NSD3: variants seen among roughly 807,000 people sequenced by gnomAD.
NSD3 encodes the protein nuclear receptor binding SET domain protein 3.
NSD3 carries 24 observed loss-of-function variants against 160.8 expected under a neutral mutation model. That is an observed-to-expected ratio of 0.15 (90% CI 0.11 to 0.21). The LOEUF is 0.21. Among genes scored for constraint, NSD3 ranks in the 10% least tolerant of loss-of-function variants. NSD3 has a pLI of 1.00. For missense variants in NSD3, 1,157 were observed against 1,735.9 expected (o/e 0.67, Z 5.93); for synonymous variants, 520 against 600.0 (o/e 0.87, Z 1.95).
At chr8:38,313,579 G>A (rs1437841947) in intron 12 of NSD3, among the ~76,000 whole-genome samples, 2 of 152,060 alleles carry the variant, frequency 1.3e-5, no homozygotes, top group African/African-American at 2.4e-5. Flanking sequence ...ACGAGGTCAG[G>A]AAATCGAGAC....
chr8:38,325,662 AG>A (rs1408887340), intron 7 of NSD3, among the ~76,000 whole-genome samples: 2 of 148,530 alleles, frequency 1.3e-5, no homozygotes, highest in African/African-American at 5.0e-5. Flanking sequence ...GCTTGAATCC[AG>A]GGGTTCGAGA....
intron 14 of NSD3, among the ~76,000 whole-genome samples, chr8:38,299,996 A>G (rs545334749): frequency 6.6e-6 from 1 of 152,038 alleles, no homozygotes; most frequent in Non-Finnish European, 1.5e-5. Context: ...TTACATAAGT[A>G]GACCCTGATC....
chr8:38,350,688 C>T (rs1312592857), intron 1 of NSD3, among the ~76,000 whole-genome samples: 1 of 152,086 alleles, frequency 6.6e-6, no homozygotes, highest in Admixed American at 6.6e-5. Context: ...GGGGTGGGGT[C>T]CTGGGCATAA....
At chr8:38,333,713 A>G (rs558990964) in intron 4 of NSD3, among the ~76,000 whole-genome samples, 24 of 150,858 alleles carry the variant, frequency 1.6e-4, no homozygotes, top group African/African-American at 5.8e-4. Context: ...TAAAAATACA[A>G]AAAATTAGCC....
chr8:38,317,595 G>T lies in NSD3; in HGVS notation c.1855+1300C>A. On this transcript the variant is annotated intron_variant, in intron 9 of 23. Coordinates refer to ENST00000317025, the MANE Select transcript of NSD3 (RefSeq NM_023034.2). The surrounding 1 kb of genome is among the most constrained non-coding windows in gnomAD (Gnocchi z 5.3). Reference sequence around the variant, plus strand: ...AATAAGAACTTTTAATGATTGTAATGTATACAGTTTGGGCTGTTTGGCAAA... The same window carrying T: ...AATAAGAACTTTTAATGATTGTAATTTATACAGTTTGGGCTGTTTGGCAAA... The T allele has an allele frequency of 9.1e-7, 1 of 1,097,592 alleles. No homozygotes were observed. Among genetic ancestry groups the T allele is most frequent in the Non-Finnish European group, 1.1e-6 (1 of 899,374 alleles). 68.0% of individuals were successfully genotyped at this position (1,097,592 alleles called of 1,614,324 possible). A position where few individuals can be genotyped will look rare whatever the true frequency, so the allele number is the denominator to read the frequency against.
chr8:38,334,730 A>G (rs1402363200), intron 4 of NSD3, among the ~76,000 whole-genome samples: 1 of 151,938 alleles, frequency 6.6e-6, no homozygotes, highest in Non-Finnish European at 1.5e-5. Flanking sequence ...ACTGCACTAC[A>G]GCCTGGGCAA....
chr8:38,366,555 A>G (rs1361966241), intron 1 of NSD3, among the ~76,000 whole-genome samples: 1 of 151,630 alleles, frequency 6.6e-6, no homozygotes, highest in African/African-American at 2.4e-5. Context: ...CTGGGACTAC[A>G]GGCGCCCGCC....
intron 8 of NSD3, chr8:38,320,024 T>C (rs898306419): frequency 5.9e-5 from 9 of 152,246 alleles, no homozygotes; most frequent in African/African-American, 7.2e-5. Flanking sequence ...TGAATAACTA[T>C]AGATTTTCAA....
Position 38,319,175 on chromosome 8 carries a change from AAAGACTTTT to A in NSD3, c.1810-244_1810-236del. The stretch of plus-strand genomic sequence containing the variant: ...AACACACAGCCACATGCTCTCTAGC[AAAGACTTTT>A]CCCACCATTCCCTTGGTATATGAAG... On this transcript the variant is annotated intron_variant, in intron 8 of 23. Transcript: ENST00000317025. The surrounding 1 kb of genome is among the most constrained non-coding windows in gnomAD (Gnocchi z 4.1). 1 of 450,688 alleles carries A rather than the reference AAAGACTTTT, an allele frequency of 2.2e-6. No homozygotes were observed. Among genetic ancestry groups the A allele is most frequent in the Non-Finnish European group, 3.9e-6 (1 of 253,510 alleles). 27.9% of individuals were successfully genotyped at this position (450,688 alleles called of 1,614,324 possible). A position where few individuals can be genotyped will look rare whatever the true frequency, so the allele number is the denominator to read the frequency against.
chr8:38,303,858 A>C (rs1809332610), intron 14 of NSD3, among the ~76,000 whole-genome samples: 1 of 152,250 alleles, frequency 6.6e-6, no homozygotes, highest in Non-Finnish European at 1.5e-5. Context: ...ATGCTTACTA[A>C]GTACCAAAAA....
At chr8:38,276,561 A>T (rs1267554403) in intron 22 of NSD3, 61 bp from the exon 23 acceptor site, 2 of 1,571,054 alleles carry the variant, frequency 1.3e-6, no homozygotes, top group East Asian at 4.5e-5. Context: ...AGCTGGACAC[A>T]GGAAAACCCT....
intron 7 of NSD3, among the ~76,000 whole-genome samples, chr8:38,323,118 G>C (rs1019544440): frequency 1.3e-5 from 2 of 152,050 alleles, no homozygotes; most frequent in Admixed American, 6.6e-5. Context: ...GCAATGGCGC[G>C]ATCTTGGCTC....
chr8:38,299,841 T>G (rs925047322), intron 14 of NSD3: 3 of 332,376 alleles, frequency 9.0e-6, no homozygotes, highest in Non-Finnish European at 1.6e-5. Context: ...TTCAAATAAT[T>G]TGAAGATATA....
At position 38,290,589 on chromosome 8, in the gene NSD3, A is replaced by C. The variant is rs749525977; in HGVS notation, c.3004T>G (p.Phe1002Val). 6.2e-7 allele frequency: 1 copy of C among 1,614,184 alleles called. No homozygotes were observed. Among genetic ancestry groups the C allele is most frequent in the Non-Finnish European group, 8.5e-7 (1 of 1,180,000 alleles). Residue 1002 changes from phenylalanine (F) to valine (V), a missense_variant, in exon 17 of 24, where the codon TTC becomes GTC. Around this residue, in one of 10 missense-constraint regions of NSD3, gnomAD observed 437 missense variants for 576.6 expected, o/e 0.76. Transcript: ENST00000317025. ...CAGTAGTAGTCATGAGAACCAAAGAAGAATACAGGGAAGTCCCCCAAGTCA... is the reference window on the plus strand; with the variant it reads ...CAGTAGTAGTCATGAGAACCAAAGACGAATACAGGGAAGTCCCCCAAGTCA... ...KHDLGDFPVF[F>V]FGSHDYYWVH...
chr8:38,290,356 A>G, intron 17 of NSD3, 119 bp downstream of exon 17: 1 of 1,003,128 alleles, frequency 1.0e-6, no homozygotes, highest in Non-Finnish European at 1.5e-6. Flanking sequence ...TTATGGACAC[A>G]GGATCATAAT....
At chr8:38,285,962 C>T (rs1808845825) in intron 19 of NSD3, among the ~76,000 whole-genome samples, 1 of 152,158 alleles carries the variant, frequency 6.6e-6, no homozygotes, top group Non-Finnish European at 1.5e-5. Flanking sequence ...TTCTCCATAC[C>T]ACAGCCACAG....
chr8:38,343,929 T>C (rs1563362372), intron 2 of NSD3, among the ~76,000 whole-genome samples: 1 of 152,162 alleles, frequency 6.6e-6, no homozygotes, highest in Non-Finnish European at 1.5e-5. Flanking sequence ...GAAGTGCTGA[T>C]AGGAGACCAG....
intron 12 of NSD3, among the ~76,000 whole-genome samples, chr8:38,308,791 G>A (rs1183067513): frequency 6.6e-6 from 1 of 152,194 alleles, no homozygotes; most frequent in Non-Finnish European, 1.5e-5. Flanking sequence ...ACTCCAGCCT[G>A]GGCGACAGAG....
intron 11 of NSD3, 52 bp from the exon 12 acceptor site, chr8:38,314,825 C>T: frequency 6.4e-7 from 1 of 1,574,372 alleles, no homozygotes; most frequent in Non-Finnish European, 8.7e-7. Context: ...ACATCAAGAC[C>T]ACATGGGCGG....
Sources: allele counts gnomAD v4.1 joint callset (sites outside exome capture counted in the v4.1 genomes callset), GRCh38; gene constraint gnomAD v4.1.1; regional missense constraint gnomAD v4.1.1; non-coding constraint Gnocchi (gnomAD v3.1); transcripts MANE v1.5; gene names NCBI Gene and HGNC (gene_info 2026-07-23, HGNC 2026-07-21).